ASTN2: variants seen among roughly 807,000 people sequenced by gnomAD.
The protein encoded by ASTN2 is astrotactin-2.
A neutral mutation model predicts 139.8 loss-of-function variants in ASTN2; 54 were observed. That is an observed-to-expected ratio of 0.39 (90% CI 0.31 to 0.48). The LOEUF (loss-of-function observed/expected upper bound fraction) is 0.48. ASTN2 is among the 20% of genes least tolerant of loss of function. The probability of loss-of-function intolerance (pLI) is 0.95; values close to 1 mark genes in which losing one functional copy is unlikely to be tolerated. For missense variants in ASTN2, 1,565 were observed against 1,725.1 expected (o/e 0.91, Z 1.64); for synonymous variants, 756 against 719.5 (o/e 1.05, Z -0.81).
At chr9:116,629,639 A>AAGG (rs2131854940) in intron 17 of ASTN2, among the ~76,000 whole-genome samples, 1 of 152,248 alleles carries the variant, frequency 6.6e-6, no homozygotes, top group Admixed American at 6.5e-5. Flanking sequence ...CCTATATAAG[A>AAGG]AATCGTGCAG....
chr9:117,329,285 G>A (rs568085988), intron 1 of ASTN2, among the ~76,000 whole-genome samples: 5 of 147,686 alleles, frequency 3.4e-5, no homozygotes, highest in Non-Finnish European at 5.9e-5. Context: ...ACACAGGTAT[G>A]AGGTAGATAC....
At chr9:116,446,250 G>T (rs1387405979) in intron 20 of ASTN2, among the ~76,000 whole-genome samples, 1 of 119,700 alleles carries the variant, frequency 8.4e-6, no homozygotes, top group Non-Finnish European at 1.7e-5. Context: ...AGACAGAGGG[G>T]AGAGGGAGAG....
At chr9:117,287,369 C>T (rs563975941) in intron 2 of ASTN2, among the ~76,000 whole-genome samples, 13 of 152,116 alleles carry the variant, frequency 8.5e-5, no homozygotes, top group Non-Finnish European at 1.5e-4. Context: ...GTACAGTCTT[C>T]GTAAGAATTC....
chr9:116,843,870 A>G (rs1832346749), intron 11 of ASTN2, among the ~76,000 whole-genome samples: 1 of 152,130 alleles, frequency 6.6e-6, no homozygotes, highest in Non-Finnish European at 1.5e-5. Context: ...GAATCACACA[A>G]TATATCCAGG....
chr9:116,724,350 G>A (rs1249530027), intron 16 of ASTN2, among the ~76,000 whole-genome samples: 1 of 152,112 alleles, frequency 6.6e-6, no homozygotes, highest in African/African-American at 2.4e-5. Flanking sequence ...TATCCACTGT[G>A]CCCATAAACC....
intron 16 of ASTN2, among the ~76,000 whole-genome samples, chr9:116,718,966 G>GTATATATATA (rs1219672903): frequency 9.4e-5 from 3 of 31,772 alleles, no homozygotes; most frequent in African/African-American, 3.8e-4. Flanking sequence ...ATCTATACCT[G>GTATATATATA]TATCTGTACA....
rs368980309 is a variant in ASTN2, at chr9:116,651,806, A to G, written c.2807-13T>C. 69 of 1,608,420 alleles carry G rather than the reference A, an allele frequency of 4.3e-5. No individual in the cohort carries two copies. The highest frequency in any genetic ancestry group is 2.9e-5 in the Non-Finnish European group (34 of 1,175,554). Reference sequence around the variant, plus strand: ...AGCTCTGTGGTCTCTGGAGAGGCACAAGACAGGAAGAGCGAAAGGTAAACT... The same window carrying G: ...AGCTCTGTGGTCTCTGGAGAGGCACGAGACAGGAAGAGCGAAAGGTAAACT... On this transcript the variant is annotated splice_polypyrimidine_tract_variant and intron_variant, in intron 16 of 22. Coordinates refer to ENST00000313400, the MANE Select transcript of ASTN2 (RefSeq NM_001365068.1).
chr9:117,294,114 G>T (rs1269628405), intron 1 of ASTN2, among the ~76,000 whole-genome samples: 1 of 152,218 alleles, frequency 6.6e-6, no homozygotes, highest in Non-Finnish European at 1.5e-5. Context: ...AAAGCAGAAG[G>T]TCTCAGAAGG....
At chr9:116,680,430 A>G (rs1859778806) in intron 16 of ASTN2, among the ~76,000 whole-genome samples, 1 of 152,206 alleles carries the variant, frequency 6.6e-6, no homozygotes, top group African/African-American at 2.4e-5. Flanking sequence ...TTCACAGCCG[A>G]ATTCTACCAG....
At chr9:116,990,630 C>T (rs1337754500) in intron 7 of ASTN2, among the ~76,000 whole-genome samples, 1 of 152,202 alleles carries the variant, frequency 6.6e-6, no homozygotes, top group Non-Finnish European at 1.5e-5. Flanking sequence ...TCCATTCACT[C>T]CACTGCCTTT....
At chr9:116,632,158 C>CAG (rs1203553131) in intron 17 of ASTN2, among the ~76,000 whole-genome samples, 1,220 of 37,794 alleles carry the variant, frequency 0.032, 88 homozygotes, top group South Asian at 0.21. Flanking sequence ...GAGAGAGAGA[C>CAG]AGAGAGAGAG....
At chr9:116,565,388 C>CTCTCTCTCTCTCTATAT (rs1564120372) in intron 19 of ASTN2, among the ~76,000 whole-genome samples, 2 of 34,018 alleles carry the variant, frequency 5.9e-5, no homozygotes, top group African/African-American at 1.4e-4. Context: ...TCTCTCTCTC[C>CTCTCTCTCTCTCTATAT]ATATATATAT....
At chr9:116,808,891 C>T (rs543520224) in intron 12 of ASTN2, among the ~76,000 whole-genome samples, 36 of 152,252 alleles carry the variant, frequency 2.4e-4, no homozygotes, top group Admixed American at 6.5e-4. Context: ...TCCCTTGTTA[C>T]TGATTAGGTT....
rs3984942 is a variant in ASTN2 at position 116,530,094 on chromosome 9, GATATATATATATATATAT to G, written c.3356-42612_3356-42595del. On this transcript the variant is annotated intron_variant, in intron 19 of 22. Transcript: ENST00000313400. Reference sequence around the variant, plus strand: ...ATCAGTGGATGAATGGATAAAGTGTGATATATATATATATATATATATATATATATATATATATATATA... The same window carrying G: ...ATCAGTGGATGAATGGATAAAGTGTGATATATATATATATATATATATATA... Among the ~76,000 whole-genome samples the G allele has an allele frequency of 2.8e-3, 143 of 51,062 alleles. 4 individuals carry two copies. Among genetic ancestry groups the G allele is most frequent in the East Asian group, 5.9e-3 (7 of 1,180 alleles). 33.5% of individuals were successfully genotyped at this position (51,062 alleles called of 152,430 possible).
intron 1 of ASTN2, among the ~76,000 whole-genome samples, chr9:117,328,094 C>T (rs1192167724): frequency 1.3e-5 from 2 of 152,172 alleles, no homozygotes; most frequent in African/African-American, 2.4e-5. Context: ...GATCAGGATT[C>T]TGAGTTTCAT....
At chr9:116,495,092 T>C (rs1191216279) in intron 19 of ASTN2, among the ~76,000 whole-genome samples, 1 of 151,980 alleles carries the variant, frequency 6.6e-6, no homozygotes, top group Non-Finnish European at 1.5e-5. Flanking sequence ...ACACAAATAA[T>C]ACAGGAAAGG....
intron 5 of ASTN2, among the ~76,000 whole-genome samples, chr9:117,060,308 C>CAAAAAAG (rs1422719369): frequency 1.9e-5 from 2 of 104,424 alleles, no homozygotes; most frequent in East Asian, 3.1e-4. Context: ...AAGACTCTGT[C>CAAAAAAG]AAAAAAGAAA....
intron 1 of ASTN2, among the ~76,000 whole-genome samples, chr9:117,365,335 A>G (rs903846282): frequency 1.1e-4 from 17 of 151,154 alleles, no homozygotes; most frequent in East Asian, 3.9e-4. Flanking sequence ...GAAAGAAAGA[A>G]AGAGAGAAAA....
At chr9:116,431,528 T>C (rs1474979737) in intron 22 of ASTN2, among the ~76,000 whole-genome samples, 1 of 152,146 alleles carries the variant, frequency 6.6e-6, no homozygotes. Flanking sequence ...CAGATCATGA[T>C]ACTGAGGGGT....
Sources: allele counts gnomAD v4.1 joint callset (sites outside exome capture counted in the v4.1 genomes callset), GRCh38; gene constraint gnomAD v4.1.1; transcripts MANE v1.5; gene names NCBI Gene and HGNC (gene_info 2026-07-23, HGNC 2026-07-21).